VCL: variants seen among roughly 807,000 people sequenced by gnomAD.
The protein encoded by VCL is vinculin.
Under a neutral mutation model 125.7 loss-of-function variants are expected in VCL, and 47 were observed. The observed-to-expected ratio is 0.37, with a 90% confidence interval of 0.30 to 0.48. VCL has a LOEUF of 0.48. Ranked by LOEUF, VCL falls within the 20% of genes least tolerant of loss-of-function variation. VCL has a pLI of 0.99. For missense variants in VCL, 1,069 were observed against 1,455.5 expected, an observed-to-expected ratio of 0.73 and a Z score of 4.32; for synonymous variants, 458 against 514.6, an observed-to-expected ratio of 0.89 and a Z score of 1.49.
chr10:74,111,853 C>T (rs965508357), intron 18 of VCL, 56 bp from the exon 19 acceptor site: 27 of 1,602,986 alleles, frequency 1.7e-5, no homozygotes, highest in Middle Eastern at 3.4e-4. Context: ...TTTCCCAAGT[C>T]GTATTGCTCT....
At chr10:74,114,465 T>G (rs1840282315) in intron 20 of VCL, 78 bp downstream of exon 20, 5 of 1,503,656 alleles carry the variant, frequency 3.3e-6, no homozygotes, top group Admixed American at 3.8e-5. Context: ...GAGGGGAGGG[T>G]ATGAGAGGGA....
At position 74,070,689 on chromosome 10, in the gene VCL, A is replaced by G; in HGVS notation, c.259A>G (p.Lys87Glu). The change falls in exon 3 of 22, where the codon AAG becomes GAG. Residue 87 changes from lysine to glutamate, a missense_variant. Lys to Glu is a moderately conservative substitution (Grantham distance 56). Around this residue, in one of 6 missense-constraint regions of VCL, gnomAD observed 96 missense variants for 137.6 expected, o/e 0.70. Transcript: ENST00000211998. ...CTATAGGGTTGAGAATGCTTGCACC[A>G]AGCTTGTCCAGGCAGCTCAGATGCT... is the stretch of plus-strand genomic sequence containing the variant. Reference protein sequence around the residue: ...AFIKVENACTKLVQAAQMLQS... With the variant: ...AFIKVENACTELVQAAQMLQS... 1 of 1,614,118 alleles carries G rather than the reference A, an allele frequency of 6.2e-7. No homozygotes were observed. Among genetic ancestry groups the G allele is most frequent in the East Asian group, 2.2e-5 (1 of 44,880 alleles).
chr10:74,029,082 G>A (rs1451229776), intron 1 of VCL, among the ~76,000 whole-genome samples: 1 of 151,996 alleles, frequency 6.6e-6, no homozygotes, highest in African/African-American at 2.4e-5. Context: ...GCCTCCCAAA[G>A]TGCTGGGATT....
intron 2 of VCL, among the ~76,000 whole-genome samples, chr10:74,047,962 G>T (rs540570591): frequency 6.6e-6 from 1 of 152,284 alleles, no homozygotes; most frequent in South Asian, 2.1e-4. Flanking sequence ...TGGAGCTAAA[G>T]TTATTTGATC....
chr10:74,056,869 TAGAAA>T (rs1159941688), intron 2 of VCL, among the ~76,000 whole-genome samples: 4 of 152,162 alleles, frequency 2.6e-5, no homozygotes, highest in African/African-American at 9.7e-5. Context: ...CATATTAACA[TAGAAA>T]AGAAATTTCT....
chr10:74,049,445 G>C (rs1048441897), intron 2 of VCL, among the ~76,000 whole-genome samples: 2 of 152,196 alleles, frequency 1.3e-5, no homozygotes, highest in African/African-American at 4.8e-5. Flanking sequence ...CAATTAAAGA[G>C]CTATAATACA....
At chr10:74,046,127 C>T (rs1334749308) in intron 2 of VCL, among the ~76,000 whole-genome samples, 1 of 152,232 alleles carries the variant, frequency 6.6e-6, no homozygotes, top group Non-Finnish European at 1.5e-5. Flanking sequence ...TTTTTTTGTA[C>T]AGCCTGTTTT....
At chr10:74,031,247 A>AC (rs902093654) in intron 1 of VCL, among the ~76,000 whole-genome samples, 1 of 150,516 alleles carries the variant, frequency 6.6e-6, no homozygotes, top group African/African-American at 2.4e-5. Context: ...TTCCCCCACC[A>AC]CCCCCCTTGT....
intron 1 of VCL, 148 bp downstream of exon 1, chr10:73,998,523 C>G (rs1840160953): frequency 1.3e-6 from 1 of 787,458 alleles, no homozygotes; most frequent in African/African-American, 1.8e-5. Context: ...ATGGCCTCTT[C>G]TCCGCCCTGT....
chr10:74,066,061 A>ATATATATATATTT (rs1441211975), intron 2 of VCL, among the ~76,000 whole-genome samples: 8 of 137,470 alleles, frequency 5.8e-5, no homozygotes, highest in African/African-American at 2.1e-4. Context: ...ATATATATAT[A>ATATATATATATTT]TTTTTTTTTT....
In VCL at chr10:74,101,023, G is replaced by T; in HGVS notation, c.1948G>T (p.Val650Phe). 1.2e-6 allele frequency: 2 copies of T among 1,614,016 alleles called. No individual in the cohort carries two copies. The highest frequency in any genetic ancestry group is 1.7e-6 in the Non-Finnish European group (2 of 1,179,920). The change falls in exon 14 of 22, where the codon GTT becomes TTT. Residue 650 changes from valine (V) to phenylalanine (F), a missense_variant. Physicochemically the swap from Val to Phe is conservative, Grantham distance 50. Coordinates refer to ENST00000211998, the MANE Select transcript of VCL (RefSeq NM_014000.3). ...TGCTACGGCCGAGAAGGCGGCTGCGGTTGGTACTGCTAATAAATCAACAGT... is the reference window on the plus strand; with the variant it reads ...TGCTACGGCCGAGAAGGCGGCTGCGTTTGGTACTGCTAATAAATCAACAGT... ...LGATAEKAAA[V>F]GTANKSTVEG...
intron 5 of VCL, 140 bp downstream of exon 5, chr10:74,072,992 G>A: frequency 8.0e-7 from 1 of 1,254,384 alleles, no homozygotes; most frequent in South Asian, 1.3e-5. Context: ...CCAGGCTGGA[G>A]TGCAGTGGTG....
chr10:74,048,716 T>C (rs1411118386), intron 2 of VCL, among the ~76,000 whole-genome samples: 1 of 152,214 alleles, frequency 6.6e-6, no homozygotes, highest in African/African-American at 2.4e-5. Flanking sequence ...GTTTATAGAA[T>C]AGTAGTTCCT....
At chr10:74,086,174 C>G (rs1014322837) in intron 8 of VCL, among the ~76,000 whole-genome samples, 1 of 152,176 alleles carries the variant, frequency 6.6e-6, no homozygotes, top group Non-Finnish European at 1.5e-5. Context: ...GCCAAGAATG[C>G]GGATCTTAAA....
At chr10:74,002,156 G>T (rs146291944) in intron 1 of VCL, among the ~76,000 whole-genome samples, 1 of 152,128 alleles carries the variant, frequency 6.6e-6, no homozygotes, top group African/African-American at 2.4e-5. Flanking sequence ...ATGGAGTTAC[G>T]CTCTTATTGC....
At chr10:74,011,376 A>T (rs1049537721) in intron 1 of VCL, among the ~76,000 whole-genome samples, 3 of 152,154 alleles carry the variant, frequency 2.0e-5, no homozygotes, top group African/African-American at 7.2e-5. Flanking sequence ...ATACTGGATC[A>T]TCAGTCCTTG....
intron 6 of VCL, chr10:74,077,597 C>G: frequency 3.3e-6 from 1 of 300,694 alleles, no homozygotes; most frequent in South Asian, 2.8e-5. Flanking sequence ...TGCTGGGTTC[C>G]CATTCTGTTT....
intron 1 of VCL, among the ~76,000 whole-genome samples, chr10:74,041,572 A>T (rs1841094145): frequency 6.6e-6 from 1 of 152,152 alleles, no homozygotes. Flanking sequence ...TTGTGTACTG[A>T]GATTATTAGG....
intron 1 of VCL, among the ~76,000 whole-genome samples, chr10:74,004,723 G>C (rs79199529): frequency 7.9e-6 from 1 of 126,138 alleles, no homozygotes; most frequent in South Asian, 2.4e-4. Context: ...TTTTTTTTTT[G>C]AGACGGAGTC....
Sources: gnomAD v4.1 joint callset for allele counts (sites outside exome capture counted in the v4.1 genomes callset) on GRCh38, gnomAD v4.1.1 for gene constraint, gnomAD v4.1.1 regional missense constraint, MANE v1.5 for transcripts, NCBI Gene and HGNC (gene_info 2026-07-23, HGNC 2026-07-21) for gene names.